Variants in MAP2 observed in about 807,000 individuals in gnomAD.
MAP2 encodes microtubule associated protein 2.
In MAP2, 14 loss-of-function variants were observed where a neutral mutation model predicts 137.6. The ratio of observed to expected loss-of-function variants is 0.10; its 90% CI spans 0.07 to 0.16. The LOEUF (loss-of-function observed/expected upper bound fraction) is 0.16. Ranked by LOEUF, MAP2 falls within the 10% of genes least tolerant of loss-of-function variation. MAP2 has a pLI of 1.00. For synonymous variants in MAP2, 786 were observed against 782.3 expected, an observed-to-expected ratio of 1.00 and a Z score of -0.08; for missense variants, 2,088 against 2,191.5, an observed-to-expected ratio of 0.95 and a Z score of 0.94.
intron 3 of MAP2, among the ~76,000 whole-genome samples, chr2:209,622,361 G>A (rs1220274947): frequency 6.6e-6 from 1 of 152,214 alleles, no homozygotes; most frequent in African/African-American, 2.4e-5. Context: ...CCAATTCTCA[G>A]TGTCTGTGGA....
Position 209,733,918 on chromosome 2 carries a change from G to T in MAP2, c.*3521G>T, listed in dbSNP as rs2076113507. Reference sequence around the variant, plus strand: ...AACAAAAAGTATACTCTGTATGCTGGGATTCCGAGGTTCCAACACACTGTT... The same window carrying T: ...AACAAAAAGTATACTCTGTATGCTGTGATTCCGAGGTTCCAACACACTGTT... On this transcript the variant is annotated 3_prime_UTR_variant, in exon 16 of 16. Transcript: ENST00000682079. The T allele has an allele frequency of 6.6e-6, 1 of 152,546 alleles. No individual in the cohort carries two copies. The highest frequency in any genetic ancestry group is 2.1e-4 in the South Asian group (1 of 4,826). The allele number at this position is 152,546 out of a possible 1,614,324, so 9.4% of individuals were successfully genotyped here.
intron 2 of MAP2, among the ~76,000 whole-genome samples, chr2:209,537,265 G>A (rs978173899): frequency 2.0e-5 from 3 of 151,980 alleles, no homozygotes; most frequent in Non-Finnish European, 4.4e-5. Flanking sequence ...GATCTTTGAT[G>A]TTACTATAGT....
At chr2:209,575,395 C>T (rs1578771983) in intron 2 of MAP2, among the ~76,000 whole-genome samples, 1 of 151,588 alleles carries the variant, frequency 6.6e-6, no homozygotes, top group Middle Eastern at 3.4e-3. Context: ...ATGGCGGGTG[C>T]CTGTAGTCCC....
At chr2:209,440,107 A>T (rs1697390334) in intron 1 of MAP2, among the ~76,000 whole-genome samples, 1 of 151,466 alleles carries the variant, frequency 6.6e-6, no homozygotes, top group Non-Finnish European at 1.5e-5. Flanking sequence ...TGAACAAGAC[A>T]CCATAGTCAC....
At chr2:209,639,811 G>A (rs974605098) in intron 4 of MAP2, among the ~76,000 whole-genome samples, 3 of 151,174 alleles carry the variant, frequency 2.0e-5, no homozygotes, top group African/African-American at 7.3e-5. Flanking sequence ...AGCATTTGTT[G>A]TGGAGCCTAC....
intron 2 of MAP2, among the ~76,000 whole-genome samples, chr2:209,552,667 T>C (rs188499996): frequency 0.02 from 2,999 of 151,914 alleles, 94 homozygotes; most frequent in African/African-American, 0.068. Flanking sequence ...TTGAGACCAG[T>C]CTGGCCAACA....
At chr2:209,449,208 C>G (rs959881272) in intron 1 of MAP2, among the ~76,000 whole-genome samples, 1 of 152,168 alleles carries the variant, frequency 6.6e-6, no homozygotes, top group Non-Finnish European at 1.5e-5. Flanking sequence ...ACTGTATCAC[C>G]TAGCACACTG....
intron 3 of MAP2, among the ~76,000 whole-genome samples, chr2:209,607,778 T>C (rs1033201998): frequency 1.2e-4 from 18 of 152,200 alleles, no homozygotes; most frequent in African/African-American, 3.9e-4. Context: ...TGGTGTGCAC[T>C]ATTGCTGGAT....
At chr2:209,619,230 A>T (rs1424616246) in intron 3 of MAP2, among the ~76,000 whole-genome samples, 1 of 152,162 alleles carries the variant, frequency 6.6e-6, no homozygotes, top group Non-Finnish European at 1.5e-5. Context: ...GACTGTAGTT[A>T]ATAACAATAT....
intron 2 of MAP2, among the ~76,000 whole-genome samples, chr2:209,549,103 T>C (rs377242463): frequency 1.8e-4 from 27 of 152,302 alleles, no homozygotes; most frequent in Non-Finnish European, 3.5e-4. Context: ...ACATCTATAT[T>C]CCAGGCAAGA....
In MAP2 at chr2:209,695,731, T is replaced by C. The variant is rs1377899259; in HGVS notation, c.3561T>C (p.Asp1187=). 1 of 1,613,968 alleles carries C rather than the reference T, an allele frequency of 6.2e-7. No homozygotes were observed. The highest frequency in any genetic ancestry group is 2.2e-5 in the East Asian group (1 of 44,856). ...PAVSEADLAT[D]ERADVQMEFI... ...TTTCAGAGGCTGATTTAGCCACAGA[T>C]GAGAGAGCTGATGTCCAGATGGAAT... The change falls in exon 8 of 16, where the codon GAT becomes GAC. Residue 1187 remains aspartate (D), a synonymous_variant. Coordinates refer to ENST00000682079, the MANE Select transcript of MAP2 (RefSeq NM_001375505.1).
At chr2:209,700,398 C>G in intron 11 of MAP2, 60 bp downstream of exon 11, 1 of 1,282,260 alleles carries the variant, frequency 7.8e-7, no homozygotes, top group Non-Finnish European at 1.1e-6. Flanking sequence ...TTAGCTGTAA[C>G]ATCAGAATAA....
At chr2:209,491,546 C>T (rs1194571194) in intron 1 of MAP2, among the ~76,000 whole-genome samples, 1 of 151,914 alleles carries the variant, frequency 6.6e-6, no homozygotes, top group Non-Finnish European at 1.5e-5. Context: ...ATACATAGAC[C>T]ACTAGCCAGA....
At chr2:209,684,267 G>A (rs2056102164) in intron 7 of MAP2, among the ~76,000 whole-genome samples, 1 of 152,166 alleles carries the variant, frequency 6.6e-6, no homozygotes, top group African/African-American at 2.4e-5. Flanking sequence ...GAATTCTAGG[G>A]TGGTGTTTTC....
intron 2 of MAP2, among the ~76,000 whole-genome samples, chr2:209,528,766 A>G (rs990250395): frequency 6.7e-6 from 1 of 150,028 alleles, no homozygotes; most frequent in African/African-American, 2.5e-5. Flanking sequence ...GTATGTATAT[A>G]TGTATATGTA....
At chr2:209,479,614 T>C (rs902747783) in intron 1 of MAP2, among the ~76,000 whole-genome samples, 3 of 152,090 alleles carry the variant, frequency 2.0e-5, no homozygotes, top group Non-Finnish European at 4.4e-5. Flanking sequence ...AGGCGAGATA[T>C]ATGAATAAGC....
At chr2:209,640,552 CA>C (rs5838177) in intron 4 of MAP2, among the ~76,000 whole-genome samples, 491 of 135,876 alleles carry the variant, frequency 3.6e-3, no homozygotes, top group Non-Finnish European at 4.5e-3. Context: ...CAAAGAAATG[CA>C]AAAAAAAAAA....
intron 2 of MAP2, among the ~76,000 whole-genome samples, chr2:209,561,506 G>A (rs954744633): frequency 6.6e-6 from 1 of 152,172 alleles, no homozygotes; most frequent in Non-Finnish European, 1.5e-5. Context: ...ACCTCTCTGA[G>A]TCTCGACCTG....
At chr2:209,425,860 C>T (rs576327865) in intron 1 of MAP2, among the ~76,000 whole-genome samples, 92 of 152,296 alleles carry the variant, frequency 6.0e-4, no homozygotes, top group Non-Finnish European at 1.2e-3. Context: ...AAGATTACAG[C>T]CTTCCATCAG....
Sources: allele counts gnomAD v4.1 joint callset (sites outside exome capture counted in the v4.1 genomes callset), GRCh38; gene constraint gnomAD v4.1.1; transcripts MANE v1.5; gene names NCBI Gene and HGNC (gene_info 2026-07-23, HGNC 2026-07-21).